KANK1: variants seen among roughly 807,000 people sequenced by gnomAD.
KANK1 encodes the protein KN motif and ankyrin repeat domain-containing protein 1.
Under a neutral mutation model 106.2 loss-of-function variants are expected in KANK1, and 109 were observed. The ratio of observed to expected loss-of-function variants is 1.03; its 90% confidence interval spans 0.88 to 1.20. KANK1 has a LOEUF of 1.20. Among genes scored for constraint, KANK1 ranks in the 50% most tolerant of loss-of-function variants. The probability of loss-of-function intolerance (pLI) is 0.00; values close to 1 mark genes in which losing one functional copy is unlikely to be tolerated. For synonymous variants in KANK1, 873 were observed against 652.2 expected (o/e 1.34, Z -5.16); for missense variants, 2,399 against 1,710.7 (o/e 1.40, Z -7.10).
At chr9:671,947 C>T (rs1052852886) in intron 1 of KANK1, among the ~76,000 whole-genome samples, 1 of 151,736 alleles carries the variant, frequency 6.6e-6, no homozygotes, top group African/African-American at 2.4e-5. Flanking sequence ...GACTCCGTCT[C>T]AAAAAAGAAA....
At chr9:604,718 T>A (rs1437766029) in intron 1 of KANK1, among the ~76,000 whole-genome samples, 1 of 151,716 alleles carries the variant, frequency 6.6e-6, no homozygotes, top group Non-Finnish European at 1.5e-5. Context: ...TAATCTCAGC[T>A]GTTCGGGAAG....
At chr9:513,933 C>T (rs1303854810) in intron 1 of KANK1, among the ~76,000 whole-genome samples, 3 of 152,146 alleles carry the variant, frequency 2.0e-5, no homozygotes, top group Admixed American at 6.5e-5. Context: ...AGGAGAATTG[C>T]TTGAACCCAG....
At chr9:563,393 G>T (rs922403111) in intron 1 of KANK1, among the ~76,000 whole-genome samples, 2 of 152,144 alleles carry the variant, frequency 1.3e-5, no homozygotes, top group Non-Finnish European at 2.9e-5. Context: ...TTGTGTAACT[G>T]GAGTGATAGT....
intron 1 of KANK1, among the ~76,000 whole-genome samples, chr9:601,627 C>A (rs148045911): frequency 2.0e-5 from 3 of 151,972 alleles, no homozygotes; most frequent in African/African-American, 4.8e-5. Context: ...GTGGACTCAT[C>A]ATGGACAGTT....
chr9:689,849 C>T (rs1357860178), intron 2 of KANK1, among the ~76,000 whole-genome samples: 8 of 152,100 alleles, frequency 5.3e-5, no homozygotes, highest in Admixed American at 5.2e-4. Context: ...ATCCTCCTTT[C>T]ACTCTGTCTC....
chr9:738,218 G>A (rs763262878), intron 7 of KANK1, 67 bp from the exon 8 acceptor site: 1 of 1,312,502 alleles, frequency 7.6e-7, no homozygotes, highest in South Asian at 1.3e-5. Context: ...CAGGTTACTT[G>A]TGCTTTCAAC....
At chr9:742,028 T>C (rs545051392) in intron 9 of KANK1, among the ~76,000 whole-genome samples, 177 bp from the exon 10 acceptor site, 1 of 152,308 alleles carries the variant, frequency 6.6e-6, no homozygotes, top group East Asian at 1.9e-4. Flanking sequence ...CCTTTGCTCA[T>C]AGCTCATGGG....
intron 1 of KANK1, among the ~76,000 whole-genome samples, chr9:638,880 T>A (rs1393867082): frequency 6.6e-6 from 1 of 152,232 alleles, no homozygotes; most frequent in African/African-American, 2.4e-5. Context: ...TAAAAGGGCA[T>A]CAGCAATGTC....
At chr9:677,064 T>G in intron 2 of KANK1, 55 bp downstream of exon 2, 1 of 1,490,872 alleles carries the variant, frequency 6.7e-7, no homozygotes, top group Non-Finnish European at 9.3e-7. Flanking sequence ...CTCAAACTAA[T>G]TTTTTATTCT....
At chr9:511,200 A>C (rs1456774846) in intron 1 of KANK1, among the ~76,000 whole-genome samples, 3 of 152,178 alleles carry the variant, frequency 2.0e-5, no homozygotes, top group Non-Finnish European at 4.4e-5. Context: ...TATGGGTGGG[A>C]ATTAGAGTAA....
At position 713,213 on chromosome 9, in the gene KANK1, C is replaced by T. The variant is rs371727751; in HGVS notation, c.2447C>T (p.Pro816Leu). 2.1e-5 allele frequency: 33 copies of T among 1,593,368 alleles called. No homozygotes were observed. Among genetic ancestry groups the T allele is most frequent in the Non-Finnish European group, 2.5e-5 (29 of 1,169,796 alleles). ...ESLENPQPQA[P>L]LGMMTGLDHY... ...CTGGAGAACCCCCAGCCTCAAGCTCCACTTGGAATGATGACTGGCCTGGAT... is the reference window on the plus strand; with the variant it reads ...CTGGAGAACCCCCAGCCTCAAGCTCTACTTGGAATGATGACTGGCCTGGAT... Residue 816 changes from proline (P) to leucine (L), a missense_variant, in exon 3 of 12, where the codon CCA becomes CTA. Coordinates refer to ENST00000382297, the MANE Select transcript of KANK1 (RefSeq NM_015158.5).
At chr9:675,627 C>T (rs1191650365) in intron 1 of KANK1, among the ~76,000 whole-genome samples, 2 of 151,778 alleles carry the variant, frequency 1.3e-5, no homozygotes, top group South Asian at 4.2e-4. Context: ...CCAATGTGGA[C>T]CCCGGTGTTT....
rs1413617579 is a variant in KANK1, at chr9:722,528, C to G, written c.2699-7523C>G. Among the ~76,000 whole-genome samples, 4 of 152,300 alleles carry G rather than the reference C, an allele frequency of 2.6e-5. No homozygotes were observed. The East Asian group carries it at 7.7e-4, about 29-fold the overall frequency. On this transcript the variant is annotated intron_variant, in intron 3 of 11. Coordinates refer to ENST00000382297, the MANE Select transcript of KANK1 (RefSeq NM_015158.5). ...GGCTGCACGTTTTCTTCGTTTTGCT[C>G]AAACACAGCAGTCATTTGTCAGTCT... is the stretch of plus-strand genomic sequence containing the variant.
intron 1 of KANK1, among the ~76,000 whole-genome samples, chr9:652,255 T>G (rs1016246955): frequency 9.9e-5 from 15 of 152,116 alleles, no homozygotes; most frequent in African/African-American, 3.6e-4. Context: ...GTGCGACGGT[T>G]TACTCCTGTA....
At chr9:509,408 C>T (rs1186636467) in intron 1 of KANK1, among the ~76,000 whole-genome samples, 1 of 152,204 alleles carries the variant, frequency 6.6e-6, no homozygotes, top group Non-Finnish European at 1.5e-5. Flanking sequence ...CCTATATTTA[C>T]CCCATCCTAG....
In KANK1 at chr9:602,292, G is replaced by A. The variant is rs545337319; in HGVS notation, c.-83-74598G>A. 2.2e-4 allele frequency among the ~76,000 whole-genome samples: 33 copies of A among 151,314 alleles called. No individual in the cohort carries two copies. The South Asian group carries it at 6.5e-3, about 30-fold the overall frequency. ...ATTTTATTTTTTGAGACGGAGTCTC[G>A]CTCTGTTGCCAGGCTGGTGTGCAGT... On this transcript the variant is annotated intron_variant, in intron 1 of 11. Coordinates refer to ENST00000382297, the MANE Select transcript of KANK1 (RefSeq NM_015158.5).
chr9:691,611 A>AATTTTTTTTT (rs1819929119), intron 2 of KANK1, among the ~76,000 whole-genome samples: 1 of 71,082 alleles, frequency 1.4e-5, no homozygotes, highest in Non-Finnish European at 2.8e-5. Flanking sequence ...TAATACCAGA[A>AATTTTTTTTT]TTTTTTTTTT....
At chr9:725,490 C>G (rs995312169) in intron 3 of KANK1, among the ~76,000 whole-genome samples, 2 of 102,042 alleles carry the variant, frequency 2.0e-5, no homozygotes, top group Non-Finnish European at 3.9e-5. Flanking sequence ...GAGCAAGACT[C>G]TGTCTCAAAA....
At chr9:515,807 G>A (rs1057457613) in intron 1 of KANK1, among the ~76,000 whole-genome samples, 4 of 151,782 alleles carry the variant, frequency 2.6e-5, no homozygotes, top group Admixed American at 6.6e-5. Context: ...GTGAGGCTTC[G>A]ATGGCAGTGC....
Sources: gnomAD v4.1 joint callset for allele counts (sites outside exome capture counted in the v4.1 genomes callset) on GRCh38, gnomAD v4.1.1 for gene constraint, MANE v1.5 for transcripts, NCBI Gene and HGNC (gene_info 2026-07-23, HGNC 2026-07-21) for gene names.